SLC20A1: variants seen among roughly 807,000 people sequenced by gnomAD.
SLC20A1 encodes solute carrier family 20 member 1, also known as sodium-dependent phosphate transporter 1.
In SLC20A1, 28 loss-of-function variants were observed where a neutral mutation model predicts 62.7. The observed-to-expected ratio is 0.45, with a 90% CI of 0.33 to 0.61. The LOEUF (loss-of-function observed/expected upper bound fraction) is 0.61. Ranked by LOEUF, SLC20A1 falls within the 20% of genes least tolerant of loss-of-function variation. The pLI, the probability that SLC20A1 is intolerant of heterozygous loss-of-function variation, is 0.02. For synonymous variants in SLC20A1, 305 were observed against 302.9 expected, an observed-to-expected ratio of 1.01 and a Z score of -0.07; for missense variants, 673 against 838.6, an observed-to-expected ratio of 0.80 and a Z score of 2.44.
Position 112,658,892 on chromosome 2 carries a change from TGAA to T in SLC20A1, c.850_852del (p.Glu284del). The T allele has an allele frequency of 1.2e-6, 2 of 1,614,088 alleles. No homozygotes were observed. Among genetic ancestry groups the T allele is most frequent in the Non-Finnish European group, 1.7e-6 (2 of 1,179,994 alleles). On this transcript the variant is annotated inframe_deletion, in exon 7 of 11. Transcript: ENST00000272542. The stretch of plus-strand genomic sequence containing the variant: ...AAAAGAATAGCTTGAAAGAAGACCA[TGAA>T]GAAACAAAGTTGTCTGTTGGTGATA...
At chr2:112,647,551 C>T (rs1357222142) in intron 3 of SLC20A1, 87 bp downstream of exon 3, 26 of 1,578,424 alleles carry the variant, frequency 1.6e-5, no homozygotes, top group Non-Finnish European at 2.2e-5. Context: ...GTTCTAACGT[C>T]GAGGGACAGA....
Position 112,661,163 on chromosome 2 carries a change from A to G in SLC20A1, c.1815A>G (p.Ala605=), listed in dbSNP as rs545904103. ...GTAGTGGCTTCAGTATTGAACTGGC[A>G]TCTGCCCTCACTGTGGTGATTGCAT... is the stretch of plus-strand genomic sequence containing the variant. ...TPSSGFSIEL[A]SALTVVIASN... Residue 605 remains alanine (A), a synonymous_variant, in exon 10 of 11, where the codon GCA becomes GCG. Coordinates refer to ENST00000272542, the MANE Select transcript of SLC20A1 (RefSeq NM_005415.5). 6.2e-7 allele frequency: 1 copy of G among 1,614,138 alleles called. No homozygotes were observed. The highest frequency in any genetic ancestry group is 8.5e-7 in the Non-Finnish European group (1 of 1,179,968).
intron 5 of SLC20A1, among the ~76,000 whole-genome samples, chr2:112,653,950 G>C (rs1452172155): frequency 1.3e-5 from 2 of 151,958 alleles, no homozygotes; most frequent in Non-Finnish European, 1.5e-5. Context: ...GCACCACCAA[G>C]CCCGGCTGAT....
chr2:112,660,269 T>G, intron 8 of SLC20A1, 118 bp from the exon 9 acceptor site: 2 of 848,608 alleles, frequency 2.4e-6, no homozygotes, highest in Non-Finnish European at 3.8e-6. Flanking sequence ...AAGGCCCTTT[T>G]GCCAGATGAG....
rs377644769 is a variant in SLC20A1 at position 112,646,904 on chromosome 2, A to G, written c.76A>G (p.Ile26Val). ...GPLVDYLWML[I>V]LGFIIAFVLA... ...TTTGGTGGACTACCTATGGATGCTCATCCTGGGCTTCATTATTGCATTTGT... is the reference window on the plus strand; with the variant it reads ...TTTGGTGGACTACCTATGGATGCTCGTCCTGGGCTTCATTATTGCATTTGT... The change falls in exon 2 of 11, where the codon ATC becomes GTC. Residue 26 changes from isoleucine to valine, a missense_variant. Ile to Val is a conservative substitution (Grantham distance 29). Coordinates refer to ENST00000272542, the MANE Select transcript of SLC20A1 (RefSeq NM_005415.5). 65 of 1,613,364 alleles carry G rather than the reference A, an allele frequency of 4.0e-5. No individual in the cohort carries two copies. The highest frequency in any genetic ancestry group is 5.4e-5 in the Non-Finnish European group (64 of 1,179,876).
rs201370434 is a variant in SLC20A1, at chr2:112,661,243, T to C, written c.1878+17T>C. 8.9e-6 allele frequency: 14 copies of C among 1,572,860 alleles called. No homozygotes were observed. In the Admixed American group the frequency reaches 1.8e-4, roughly 21 times the overall value. On this transcript the variant is annotated intron_variant, in intron 10 of 10. Coordinates refer to ENST00000272542, the MANE Select transcript of SLC20A1 (RefSeq NM_005415.5). Reference sequence around the variant, plus strand: ...CATTGTAAAGTAAGTGTAATGCCAATGTGTGTCTTTCAAATGGTTCTTCTA... The same window carrying C: ...CATTGTAAAGTAAGTGTAATGCCAACGTGTGTCTTTCAAATGGTTCTTCTA...
intron 5 of SLC20A1, 56 bp from the exon 6 acceptor site, chr2:112,657,066 A>G (rs762975605): frequency 1.4e-5 from 23 of 1,610,484 alleles, no homozygotes; most frequent in African/African-American, 2.7e-5. Context: ...GGTTTACACA[A>G]TATTGCAGGG....
chr2:112,656,070 T>A (rs977400078), intron 5 of SLC20A1, among the ~76,000 whole-genome samples: 4 of 152,152 alleles, frequency 2.6e-5, no homozygotes, highest in African/African-American at 9.7e-5. Flanking sequence ...GACAGTCAGA[T>A]AATGACTAAT....
At chr2:112,658,596 A>G in intron 6 of SLC20A1, 1 of 461,940 alleles carries the variant, frequency 2.2e-6, no homozygotes, top group Non-Finnish European at 3.8e-6. Flanking sequence ...AAATATTTAC[A>G]GAAAAATTTT....
chr2:112,647,505 T>TCC (rs779896188), intron 3 of SLC20A1, 41 bp downstream of exon 3: 1 of 1,604,720 alleles, frequency 6.2e-7, no homozygotes, highest in East Asian at 2.2e-5. Context: ...TTCGTTTTCG[T>TCC]CATATGTTAC....
At chr2:112,661,260 GTTC>G (rs1450573398) in intron 10 of SLC20A1, 34 bp downstream of exon 10, 11 of 1,516,408 alleles carry the variant, frequency 7.3e-6, no homozygotes, top group Non-Finnish European at 1.0e-5. Flanking sequence ...CTTTCAAATG[GTTC>G]TTCTAATATG....
intron 4 of SLC20A1, among the ~76,000 whole-genome samples, chr2:112,648,352 T>C (rs780847600): frequency 6.6e-6 from 1 of 152,254 alleles, no homozygotes; most frequent in Non-Finnish European, 1.5e-5. Flanking sequence ...TGCATTTCTT[T>C]TATCAAGAAG....
intron 5 of SLC20A1, among the ~76,000 whole-genome samples, chr2:112,656,392 G>A (rs1244121839): frequency 1.3e-5 from 2 of 151,562 alleles, no homozygotes; most frequent in African/African-American, 4.9e-5. Context: ...GTAGAGATGG[G>A]GTTTTGCCAT....
chr2:112,648,703 G>C (rs990423179), intron 4 of SLC20A1, among the ~76,000 whole-genome samples: 5 of 152,212 alleles, frequency 3.3e-5, no homozygotes, highest in African/African-American at 1.2e-4. Flanking sequence ...GCAGAATATA[G>C]CAGTTTAACA....
chr2:112,646,816 A>C lies in SLC20A1; in HGVS notation c.-13A>C, dbSNP rs781310691. ...TCAGTAGTTCTCTTACTAAACAACC[A>C]CTACTCCAGAGAATGGCAACGCTGA... is the stretch of plus-strand genomic sequence containing the variant. On this transcript the variant is annotated 5_prime_UTR_variant, in exon 2 of 11. Coordinates refer to ENST00000272542, the MANE Select transcript of SLC20A1 (RefSeq NM_005415.5). 6.3e-7 allele frequency: 1 copy of C among 1,592,956 alleles called. No individual in the cohort carries two copies. Among genetic ancestry groups the C allele is most frequent in the African/African-American group, 1.3e-5 (1 of 74,118 alleles).
rs1686294137 is a variant in SLC20A1, at chr2:112,646,868, G to A, written c.40G>A (p.Ala14Thr). The stretch of plus-strand genomic sequence containing the variant: ...TACCAGTACTACAGCTGCTACCGCC[G>A]CTTCTGGTCCTTTGGTGGACTACCT... ...LITSTTAATA[A>T]SGPLVDYLWM... Residue 14 changes from alanine to threonine, a missense_variant, in exon 2 of 11, where the codon GCT becomes ACT. By Grantham distance (58) the Ala-to-Thr change is moderately conservative. Coordinates refer to ENST00000272542, the MANE Select transcript of SLC20A1 (RefSeq NM_005415.5). 2 of 1,613,192 alleles carry A rather than the reference G, an allele frequency of 1.2e-6. No individual in the cohort carries two copies. The highest frequency in any genetic ancestry group is 4.5e-5 in the East Asian group (2 of 44,882).
intron 4 of SLC20A1, among the ~76,000 whole-genome samples, chr2:112,650,995 C>A (rs1454307227): frequency 6.6e-6 from 1 of 152,160 alleles, no homozygotes; most frequent in African/African-American, 2.4e-5. Flanking sequence ...TTGTTGACTG[C>A]CCTCAGAGTT....
intron 4 of SLC20A1, 100 bp from the exon 5 acceptor site, chr2:112,652,599 GTTA>G: frequency 1.1e-6 from 1 of 871,832 alleles, no homozygotes; most frequent in Non-Finnish European, 1.9e-6. Flanking sequence ...TCTGGAGAGA[GTTA>G]TTGGCACTAT....
Position 112,662,882 on chromosome 2 carries a change from G to C in SLC20A1, c.1897G>C (p.Val633Leu). 4 of 1,614,130 alleles carry C rather than the reference G, an allele frequency of 2.5e-6. No individual in the cohort carries two copies. Among genetic ancestry groups the C allele is most frequent in the Non-Finnish European group, 3.4e-6 (4 of 1,180,008 alleles). ...THCKVGSVVS[V>L]GWLRSKKAVD... Reference sequence around the variant, plus strand: ...CTTCTAGGTGGGCTCTGTTGTGTCTGTTGGCTGGCTCCGGTCCAAGAAGGC... The same window carrying C: ...CTTCTAGGTGGGCTCTGTTGTGTCTCTTGGCTGGCTCCGGTCCAAGAAGGC... The change falls in exon 11 of 11, where the codon GTT becomes CTT. Residue 633 changes from valine to leucine, a missense_variant. Transcript: ENST00000272542.
Sources: gnomAD v4.1 joint callset for allele counts (sites outside exome capture counted in the v4.1 genomes callset) on GRCh38, gnomAD v4.1.1 for gene constraint, MANE v1.5 for transcripts, NCBI Gene and HGNC (gene_info 2026-07-23, HGNC 2026-07-21) for gene names.